FHIP2A: variants seen among roughly 807,000 people sequenced by gnomAD.
The protein encoded by FHIP2A is family with sequence similarity 160 member B1.
A neutral mutation model predicts 93.5 loss-of-function variants in FHIP2A; 46 were observed. The observed-to-expected ratio is 0.49, with a 90% CI of 0.39 to 0.63. The LOEUF (loss-of-function observed/expected upper bound fraction) is 0.63. Ranked by LOEUF, FHIP2A falls within the 20% of genes least tolerant of loss-of-function variation. The pLI is 0.00. For missense variants in FHIP2A, 769 were observed against 909.7 expected, an observed-to-expected ratio of 0.85 and a Z score of 1.99; for synonymous variants, 332 against 326.5, an observed-to-expected ratio of 1.02 and a Z score of -0.18.
rs1300080953 is a variant in FHIP2A, at chr10:114,862,503, AT to A, written c.*970del. 19 of 987,318 alleles carry A rather than the reference AT, an allele frequency of 1.9e-5. No individual in the cohort carries two copies. Among genetic ancestry groups the A allele is most frequent in the Non-Finnish European group, 2.2e-5 (18 of 830,044 alleles). The allele number at this position is 987,318 out of a possible 1,614,324, so 61.2% of individuals were successfully genotyped here. On this transcript the variant is annotated 3_prime_UTR_variant, in exon 17 of 17. Coordinates refer to ENST00000369248, the MANE Select transcript of FHIP2A (RefSeq NM_020940.4). Reference sequence around the variant, plus strand: ...GTGCCAGTGGCTCCTCGATGTTTACATTTTTTTCTATTTTGTTCAGTCTTTT... The same window carrying A: ...GTGCCAGTGGCTCCTCGATGTTTACATTTTTTCTATTTTGTTCAGTCTTTT...
chr10:114,889,588 G>GC (rs1254405529), intron 16 of FHIP2A, among the ~76,000 whole-genome samples: 1 of 152,172 alleles, frequency 6.6e-6, no homozygotes, highest in Non-Finnish European at 1.5e-5. Context: ...GCTTCTGGTG[G>GC]TTAAGCCACC....
At chr10:114,845,304 A>G in intron 7 of FHIP2A, 63 bp from the exon 8 acceptor site, 1 of 910,402 alleles carries the variant, frequency 1.1e-6, no homozygotes, top group Non-Finnish European at 1.8e-6. Flanking sequence ...TTTTCCATAC[A>G]TTCTGAATAG....
chr10:114,838,567 A>G (rs940246785), intron 5 of FHIP2A, among the ~76,000 whole-genome samples: 1 of 152,068 alleles, frequency 6.6e-6, no homozygotes, highest in Non-Finnish European at 1.5e-5. Flanking sequence ...TTTCTTCTCA[A>G]GGTTCATTTT....
rs2084015714 is a variant in FHIP2A, at chr10:114,899,345, TAA to T, written c.2193-144_2193-143del. 6 of 556,514 alleles carry T rather than the reference TAA, an allele frequency of 1.1e-5. No homozygotes were observed. The South Asian group carries it at 1.6e-4, about 15-fold the overall frequency. 34.5% of individuals were successfully genotyped at this position (556,514 alleles called of 1,614,324 possible). On this transcript the variant is annotated intron_variant, in intron 16 of 16. Coordinates refer to the FHIP2A transcript ENST00000369250. ...GACTGAAATCTAACTTAAGCTAGTG[TAA>T]GCACAAAATAATATGTATTGGTTTA...
Position 114,864,248 on chromosome 10 carries a change from A to C in FHIP2A, c.*2708A>C. On this transcript the variant is annotated 3_prime_UTR_variant, in exon 17 of 17. Coordinates refer to ENST00000369248, the MANE Select transcript of FHIP2A (RefSeq NM_020940.4). ...TAAATTCATGGTAATGTTTTCATAA[A>C]TTATTGCATTAACATACAATTGCCA... The C allele has an allele frequency of 2.0e-6, 2 of 983,348 alleles. No homozygotes were observed. The highest frequency in any genetic ancestry group is 2.4e-6 in the Non-Finnish European group (2 of 827,654). 60.9% of individuals were successfully genotyped at this position (983,348 alleles called of 1,614,324 possible).
intron 7 of FHIP2A, among the ~76,000 whole-genome samples, chr10:114,844,660 T>G (rs1200496813): frequency 2.6e-5 from 4 of 152,188 alleles, no homozygotes; most frequent in African/African-American, 9.6e-5. Flanking sequence ...CATTTACCGT[T>G]CTTTTCTTCC....
chr10:114,823,374 T>A (rs1481587297), intron 1 of FHIP2A, among the ~76,000 whole-genome samples: 1 of 152,214 alleles, frequency 6.6e-6, no homozygotes, highest in African/African-American at 2.4e-5. Context: ...AAGACAACTT[T>A]TAGTTTTTAC....
At chr10:114,842,224 C>T (rs1440168723) in intron 5 of FHIP2A, among the ~76,000 whole-genome samples, 3 of 152,018 alleles carry the variant, frequency 2.0e-5, no homozygotes, top group Non-Finnish European at 4.4e-5. Context: ...CCACACCCAG[C>T]TTATTTTATT....
rs761044591 is a variant in FHIP2A, at chr10:114,843,828, A to AGC, written c.905_906dup (p.Thr303AlafsTer8). On this transcript the variant is annotated frameshift_variant, in exon 7 of 17. Transcript: ENST00000369248. LOFTEE classifies it high-confidence loss of function. ...TGCGGCTGCAAAGTGCCTTACACAG[A>AGC]GCACTTGCTTGTGTGAACTACTGAC... The AGC allele has an allele frequency of 6.2e-7, 1 of 1,611,798 alleles. No individual in the cohort carries two copies.
intron 13 of FHIP2A, among the ~76,000 whole-genome samples, chr10:114,852,752 G>A (rs547543306): frequency 6.6e-6 from 1 of 152,258 alleles, no homozygotes; most frequent in South Asian, 2.1e-4. Context: ...AACTCATAAA[G>A]TATAAATACT....
intron 11 of FHIP2A, 96 bp from the exon 12 acceptor site, chr10:114,846,994 T>G: frequency 8.6e-7 from 1 of 1,163,428 alleles, no homozygotes; most frequent in Non-Finnish European, 1.2e-6. Context: ...TTAGCAAAAT[T>G]ATGTAACATT....
chr10:114,878,791 AAAAG>A lies in FHIP2A; in HGVS notation c.2192+17477_2192+17480del, dbSNP rs35334845. On this transcript the variant is annotated intron_variant, in intron 16 of 16. Transcript: ENST00000369250. ...ACTTCGCCTCAAAAAAAAAAAAAAA[AAAAG>A]AAAGAAAGAAAGAAAGAAAAGAAGC... Among the ~76,000 whole-genome samples the A allele has an allele frequency of 2.9e-3, 392 of 135,494 alleles. 7 individuals carry two copies. In the East Asian group the frequency reaches 0.054, roughly 19 times the overall value. 88.9% of individuals were successfully genotyped at this position (135,494 alleles called of 152,430 possible). A position where few individuals can be genotyped will look rare whatever the true frequency, so the allele number is the denominator to read the frequency against.
chr10:114,848,612 G>T, intron 12 of FHIP2A, 35 bp from the exon 13 acceptor site: 2 of 1,206,268 alleles, frequency 1.7e-6, no homozygotes, highest in Non-Finnish European at 2.4e-6. Context: ...CATGCAAATG[G>T]ACATCTTGCA....
chr10:114,887,647 C>T (rs2083949884), intron 16 of FHIP2A, among the ~76,000 whole-genome samples: 1 of 152,202 alleles, frequency 6.6e-6, no homozygotes, highest in African/African-American at 2.4e-5. Flanking sequence ...GTTCCTCTCT[C>T]CATAGATTAG....
At chr10:114,895,301 G>A (rs567235077) in intron 16 of FHIP2A, among the ~76,000 whole-genome samples, 1 of 152,322 alleles carries the variant, frequency 6.6e-6, no homozygotes, top group African/African-American at 2.4e-5. Context: ...AAATAATTGA[G>A]ATTCAGAGAG....
At chr10:114,843,664 C>T in intron 6 of FHIP2A, 77 bp from the exon 7 acceptor site, 1 of 1,114,896 alleles carries the variant, frequency 9.0e-7, no homozygotes, top group East Asian at 2.8e-5. Context: ...ACATTAAATC[C>T]TTTTATGTTG....
intron 1 of FHIP2A, among the ~76,000 whole-genome samples, chr10:114,824,863 A>G (rs1431938680): frequency 6.6e-6 from 1 of 152,212 alleles, no homozygotes; most frequent in Admixed American, 6.5e-5. Flanking sequence ...TCAGGATTAT[A>G]CAGAGACAGA....
Sources: allele counts gnomAD v4.1 joint callset (sites outside exome capture counted in the v4.1 genomes callset), GRCh38; gene constraint gnomAD v4.1.1; transcripts MANE v1.5; gene names NCBI Gene and HGNC (gene_info 2026-07-23, HGNC 2026-07-21).